The following RIPOR3 variants were observed in gnomAD, a reference collection of about 807,000 sequenced individuals.
RIPOR3 encodes the protein family with sequence similarity 65 member C.
In RIPOR3, 95 loss-of-function variants were observed where a neutral mutation model predicts 114.3. The observed-to-expected ratio is 0.83, with a 90% CI of 0.70 to 0.99. The LOEUF (loss-of-function observed/expected upper bound fraction) is 0.99, where lower values mean the gene tolerates loss of function less well. RIPOR3 is among the 50% of genes least tolerant of loss of function. The probability of loss-of-function intolerance (pLI) is 0.00; values close to 1 mark genes in which losing one functional copy is unlikely to be tolerated. For synonymous variants in RIPOR3, 575 were observed against 543.8 expected (o/e 1.06, Z -0.80); for missense variants, 1,252 against 1,266.9 (o/e 0.99, Z 0.18).
intron 1 of RIPOR3, chr20:50,653,939 C>G (rs1359735280): frequency 6.6e-6 from 1 of 152,090 alleles, no homozygotes; most frequent in African/African-American, 2.4e-5. Context: ...CTCCTCATCT[C>G]CTGCAGGTTG....
intron 1 of RIPOR3, among the ~76,000 whole-genome samples, chr20:50,671,345 A>G (rs1343127791): frequency 6.6e-6 from 1 of 152,072 alleles, no homozygotes; most frequent in Non-Finnish European, 1.5e-5. Context: ...TGTCACCTCC[A>G]AGATTACGTT....
intron 1 of RIPOR3, among the ~76,000 whole-genome samples, chr20:50,690,654 G>A (rs2087180667): frequency 2.6e-5 from 4 of 152,060 alleles, no homozygotes; most frequent in Admixed American, 2.6e-4. Context: ...AAAAACCTAG[G>A]TCTTTTTTCG....
intron 1 of RIPOR3, among the ~76,000 whole-genome samples, chr20:50,666,181 C>CCTTTTCTTTTCTTTTCTTTTCTTTT (rs1600720832): frequency 3.4e-4 from 5 of 14,922 alleles, no homozygotes; most frequent in Non-Finnish European, 9.0e-4. Context: ...GAAAGGACAC[C>CCTTTTCTTTTCTTTTCTTTTCTTTT]CATTTCTTTT....
At chr20:50,616,147 A>G in intron 3 of RIPOR3, 67 bp from the exon 4 acceptor site, 3 of 1,491,848 alleles carry the variant, frequency 2.0e-6, no homozygotes, top group Non-Finnish European at 2.8e-6. Flanking sequence ...AGTAGGCCAA[A>G]TGGACAATGT....
chr20:50,595,326 G>C (rs2083249790), intron 16 of RIPOR3, 43 bp downstream of exon 16: 1 of 1,600,236 alleles, frequency 6.2e-7, no homozygotes, highest in Admixed American at 1.7e-5. Context: ...CCGTCCCCGT[G>C]CCGCTCACAT....
At chr20:50,679,601 C>CAAAAAAAAA (rs35946931) in intron 1 of RIPOR3, among the ~76,000 whole-genome samples, 2 of 120,632 alleles carry the variant, frequency 1.7e-5, no homozygotes, top group African/African-American at 3.3e-5. Context: ...ACTAAAAATA[C>CAAAAAAAAA]AAAAAAAAAA....
At chr20:50,666,695 G>T (rs1009362183) in intron 1 of RIPOR3, among the ~76,000 whole-genome samples, 1 of 151,968 alleles carries the variant, frequency 6.6e-6, no homozygotes, top group Admixed American at 6.6e-5. Flanking sequence ...CAAGTAGCTG[G>T]GACTACAGGC....
chr20:50,621,792 A>G (rs960065893), intron 2 of RIPOR3, among the ~76,000 whole-genome samples: 6 of 152,192 alleles, frequency 3.9e-5, no homozygotes, highest in Non-Finnish European at 8.8e-5. Flanking sequence ...ACATGAGCCA[A>G]CTGGCTCTCT....
Position 50,610,601 on chromosome 20 carries a change from A to G in RIPOR3, c.426+252T>C, listed in dbSNP as rs950850912. ...TGAGGTCTTTCTGCATAAACTGAAG[A>G]AAGAGCCCACACAGTCCTCAGGGAG... On this transcript the variant is annotated intron_variant, in intron 6 of 21. Transcript: ENST00000327979. 3.3e-5 allele frequency among the ~76,000 whole-genome samples: 5 copies of G among 152,248 alleles called. No individual in the cohort carries two copies. The South Asian group carries it at 8.3e-4, about 25-fold the overall frequency.
chr20:50,616,247 A>AC (rs1320999995), intron 3 of RIPOR3, among the ~76,000 whole-genome samples, 167 bp from the exon 4 acceptor site: 4 of 152,158 alleles, frequency 2.6e-5, no homozygotes, highest in Admixed American at 2.0e-4. Context: ...TGTGCCCAGC[A>AC]CCACACAAAA....
At position 50,602,528 on chromosome 20, in the gene RIPOR3, ACT is replaced by A; in HGVS notation, c.1201_1202del (p.Gln402GlyfsTer4). ...DLRGPSLRSQSQELPEMDSFS... is the reference protein window; with the variant it reads ...DLRGPSLRSQXQELPEMDSFS... ...AGGAGTCCATCTCAGGCAGCTCCTG[ACT>A]CTGGCTTCTTAGGCTGGGACCCCGG... On this transcript the variant is annotated frameshift_variant, in exon 13 of 22. Coordinates refer to ENST00000327979, the MANE Select transcript of RIPOR3 (RefSeq NM_001290268.2). LOFTEE classifies it high-confidence loss of function. This position sits in a 1 kb window ranked among gnomAD's most constrained non-coding sequence, Gnocchi z 4.3. The A allele has an allele frequency of 6.4e-7, 1 of 1,553,996 alleles. No individual in the cohort carries two copies. Among genetic ancestry groups the A allele is most frequent in the Non-Finnish European group, 8.7e-7 (1 of 1,148,258 alleles).
rs2083950845 is a variant in RIPOR3, at chr20:50,610,862, G to A, written c.417C>T (p.His139=). Reference sequence around the variant, plus strand: ...CCACGAGCCAGCTGACCTTGCTGATGTGAAACTCCATCTTCCGAATGTGCC... The same window carrying A: ...CCACGAGCCAGCTGACCTTGCTGATATGAAACTCCATCTTCCGAATGTGCC... ...VERHIRKMEF[H]ISKVDELYED... The change falls in exon 6 of 22, where the codon CAC becomes CAT. Residue 139 remains histidine (H), a synonymous_variant. Transcript: ENST00000327979. 6.2e-7 allele frequency: 1 copy of A among 1,614,244 alleles called. No homozygotes were observed. Among genetic ancestry groups the A allele is most frequent in the African/African-American group, 1.3e-5 (1 of 75,072 alleles).
At position 50,595,369 on chromosome 20, in the gene RIPOR3, T is replaced by C. The variant is rs1601452428; in HGVS notation, c.2050A>G (p.Ile684Val). Residue 684 changes from isoleucine to valine, a missense_variant and splice_region_variant, in exon 16 of 22, where the codon ATC becomes GTC. By Grantham distance (29) the Ile-to-Val change is conservative. Coordinates refer to ENST00000327979, the MANE Select transcript of RIPOR3 (RefSeq NM_001290268.2). ...CCCTGGGTGGCAGGCAGCTACTTAC[T>C]CTCTTCAATGGATGTTGCCTTGCCG... is the stretch of plus-strand genomic sequence containing the variant. ...KVGKATSIEE[I>V]IPQASRTKGC... 1.2e-6 allele frequency: 2 copies of C among 1,613,066 alleles called. No homozygotes were observed. The highest frequency in any genetic ancestry group is 2.7e-5 in the African/African-American group (2 of 75,014).
Position 50,625,136 on chromosome 20 carries a change from T to G in RIPOR3, c.123-5004A>C, listed in dbSNP as rs183982602. On this transcript the variant is annotated intron_variant, in intron 2 of 21. Coordinates refer to ENST00000327979, the MANE Select transcript of RIPOR3 (RefSeq NM_001290268.2). ...CCCAGGCTGGAATGCAGTAGCGTGA[T>G]CTCAGCTCACTGTAGCCTCCGCCTC... Among the ~76,000 whole-genome samples the G allele has an allele frequency of 6.8e-3, 1,030 of 152,180 alleles. 8 individuals carry two copies. The highest frequency in any genetic ancestry group is 0.028 in the South Asian group (133 of 4,824).
chr20:50,627,168 ACT>A (rs927345986), intron 2 of RIPOR3, among the ~76,000 whole-genome samples: 5 of 151,506 alleles, frequency 3.3e-5, no homozygotes, highest in African/African-American at 9.7e-5. Flanking sequence ...ACAGAGCAAG[ACT>A]CTGTCTCAAA....
intron 1 of RIPOR3, among the ~76,000 whole-genome samples, chr20:50,640,904 A>G (rs1198613462): frequency 6.8e-6 from 1 of 147,752 alleles, no homozygotes; most frequent in Non-Finnish European, 1.5e-5. Context: ...TGTAATATGC[A>G]CTTCTTTTTT....
intron 19 of RIPOR3, among the ~76,000 whole-genome samples, chr20:50,591,236 GAT>G (rs943445548): frequency 6.6e-6 from 1 of 152,158 alleles, no homozygotes; most frequent in Non-Finnish European, 1.5e-5. Context: ...TTGAACATAA[GAT>G]ATATGATATA....
intron 1 of RIPOR3, among the ~76,000 whole-genome samples, chr20:50,656,900 G>A (rs576921860): frequency 2.2e-4 from 33 of 152,274 alleles, no homozygotes; most frequent in African/African-American, 7.0e-4. Context: ...AGTTGCTTCC[G>A]AAATATTATA....
intron 13 of RIPOR3, among the ~76,000 whole-genome samples, chr20:50,601,707 G>A (rs1026402902): frequency 2.0e-5 from 3 of 152,082 alleles, no homozygotes; most frequent in African/African-American, 7.2e-5. Flanking sequence ...AGGCAAACAG[G>A]GAACTGTGTG....
Sources: allele counts gnomAD v4.1 joint callset (sites outside exome capture counted in the v4.1 genomes callset), GRCh38; gene constraint gnomAD v4.1.1; non-coding constraint Gnocchi (gnomAD v3.1); transcripts MANE v1.5; gene names NCBI Gene and HGNC (gene_info 2026-07-23, HGNC 2026-07-21).